Variants in PTPN9 observed in about 807,000 individuals in gnomAD.
PTPN9 encodes the protein tyrosine-protein phosphatase non-receptor type 9.
Under a neutral mutation model 69.8 loss-of-function variants are expected in PTPN9, and 26 were observed. That is an observed-to-expected ratio of 0.37 (90% CI 0.27 to 0.52). PTPN9 has a LOEUF of 0.52. Ranked by LOEUF, PTPN9 falls within the 20% of genes least tolerant of loss-of-function variation. PTPN9 has a pLI of 0.91. For synonymous variants in PTPN9, 274 were observed against 272.5 expected (o/e 1.01, Z -0.05); for missense variants, 549 against 740.3 (o/e 0.74, Z 3.00).
At chr15:75,527,333 G>A in intron 1 of PTPN9, 72 bp from the exon 2 acceptor site, 1 of 1,545,076 alleles carries the variant, frequency 6.5e-7, no homozygotes, top group Non-Finnish European at 8.8e-7. Flanking sequence ...ACAAACAAGT[G>A]AAAACTATCA....
chr15:75,523,137 C>T lies in PTPN9; in HGVS notation c.406G>A (p.Asp136Asn). The T allele has an allele frequency of 6.2e-7, 1 of 1,614,086 alleles. No individual in the cohort carries two copies. Residue 136 changes from aspartate to asparagine, a missense_variant, in exon 4 of 13, where the codon GAC (aspartate) becomes AAC (asparagine). By Grantham distance (23) the Asp-to-Asn change is conservative. Coordinates refer to ENST00000618819, the MANE Select transcript of PTPN9 (RefSeq NM_002833.4). ...AATGCTTACCTATCCACAGCTCTGTCTAGCAAGTAAAACAGAGCCTGAAGT... is the reference window on the plus strand; with the variant it reads ...AATGCTTACCTATCCACAGCTCTGTTTAGCAAGTAAAACAGAGCCTGAAGT... ...VVLQALFYLL[D>N]RAVDSFETQR...
chr15:75,513,298 T>G (rs767891285), intron 5 of PTPN9: 7 of 455,964 alleles, frequency 1.5e-5, no homozygotes, highest in Non-Finnish European at 2.6e-5. Flanking sequence ...CTGAAATAAA[T>G]TGTTGCATCT....
At chr15:75,549,428 C>T (rs1308412695) in intron 1 of PTPN9, among the ~76,000 whole-genome samples, 1 of 151,998 alleles carries the variant, frequency 6.6e-6, no homozygotes, top group Non-Finnish European at 1.5e-5. Context: ...CTCTTAACTC[C>T]TCAGTTCAAG....
At chr15:75,493,396 A>G (rs2074722161) in intron 7 of PTPN9, among the ~76,000 whole-genome samples, 1 of 152,144 alleles carries the variant, frequency 6.6e-6, no homozygotes, top group Non-Finnish European at 1.5e-5. Flanking sequence ...AGGAATTTTA[A>G]TAGACGAGAT....
chr15:75,464,462 G>C lies in PTPN9; in HGVS notation c.*4307C>G, dbSNP rs2074528984. 6.6e-6 allele frequency: 1 copy of C among 152,020 alleles called. No individual in the cohort carries two copies. The highest frequency in any genetic ancestry group is 2.1e-4 in the South Asian group (1 of 4,824). 9.4% of individuals were successfully genotyped at this position (152,020 alleles called of 1,614,324 possible). ...TGGGAGCCAACTCAACCCAAGTAAAGGCCTAATAGCTCCTCTATGGGTGTT... is the reference window on the plus strand; with the variant it reads ...TGGGAGCCAACTCAACCCAAGTAAACGCCTAATAGCTCCTCTATGGGTGTT... On this transcript the variant is annotated 3_prime_UTR_variant, in exon 13 of 13. Coordinates refer to ENST00000618819, the MANE Select transcript of PTPN9 (RefSeq NM_002833.4).
intron 1 of PTPN9, among the ~76,000 whole-genome samples, chr15:75,569,624 G>C (rs2075140079): frequency 1.4e-5 from 2 of 142,620 alleles, no homozygotes; most frequent in African/African-American, 2.6e-5. Flanking sequence ...AAAATCGCTT[G>C]AACCCAGGAG....
rs1236247673 is a variant in PTPN9 at position 75,466,743 on chromosome 15, C to G, written c.*2026G>C. 6.6e-6 allele frequency: 1 copy of G among 152,162 alleles called. No homozygotes were observed. The highest frequency in any genetic ancestry group is 1.5e-5 in the Non-Finnish European group (1 of 68,040). The allele number at this position is 152,162 out of a possible 1,614,324, so 9.4% of individuals were successfully genotyped here. On this transcript the variant is annotated 3_prime_UTR_variant, in exon 13 of 13. Transcript: ENST00000618819. ...GAGACCACAGGCTTTGTAAGCAGAC[C>G]AACTTGAGCTCGTTTTAGAGCAAAT...
rs1164644727 is a variant in PTPN9, at chr15:75,537,753, C to CAAAAAAAAAA, written c.64-10502_64-10493dup. ...AGGGCAACAGAGGGAGACTCCATCT[C>CAAAAAAAAAA]AAAAAAAAAAAAAAAAAAAAAAAGG... is the stretch of plus-strand genomic sequence containing the variant. On this transcript the variant is annotated intron_variant, in intron 1 of 12. Transcript: ENST00000618819. 4.6e-3 allele frequency among the ~76,000 whole-genome samples: 52 copies of CAAAAAAAAAA among 11,384 alleles called. 5 individuals are homozygous for CAAAAAAAAAA. The highest frequency in any genetic ancestry group is 6.1e-3 in the Non-Finnish European group (39 of 6,404). 7.5% of individuals were successfully genotyped at this position (11,384 alleles called of 152,430 possible).
At chr15:75,552,410 AAAAACAAAAC>A (rs994898872) in intron 1 of PTPN9, among the ~76,000 whole-genome samples, 3 of 152,178 alleles carry the variant, frequency 2.0e-5, no homozygotes, top group Non-Finnish European at 4.4e-5. Context: ...TCCGTCTCAA[AAAAACAAAAC>A]AAAACAAAAC....
intron 7 of PTPN9, among the ~76,000 whole-genome samples, chr15:75,500,496 C>A (rs1259232536): frequency 6.6e-6 from 1 of 151,992 alleles, no homozygotes; most frequent in African/African-American, 2.4e-5. Context: ...CGAAATCATA[C>A]CATTGCACTC....
intron 7 of PTPN9, among the ~76,000 whole-genome samples, chr15:75,496,242 C>A (rs569090647): frequency 1.7e-4 from 26 of 150,936 alleles, no homozygotes; most frequent in Non-Finnish European, 3.4e-4. Flanking sequence ...TTGAGACCAG[C>A]CTGGCCAACA....
intron 1 of PTPN9, among the ~76,000 whole-genome samples, chr15:75,563,818 G>A (rs988223245): frequency 1.3e-5 from 2 of 152,154 alleles, no homozygotes; most frequent in African/African-American, 4.8e-5. Context: ...CTCAAGGATA[G>A]AGAGCTCCAA....
intron 7 of PTPN9, among the ~76,000 whole-genome samples, chr15:75,499,727 G>T (rs2074763050): frequency 6.6e-6 from 1 of 151,926 alleles, no homozygotes; most frequent in African/African-American, 2.4e-5. Context: ...TAATGGAGGA[G>T]GGGAGACTCC....
intron 7 of PTPN9, among the ~76,000 whole-genome samples, chr15:75,490,888 G>A (rs1328122410): frequency 1.3e-5 from 2 of 151,906 alleles, no homozygotes; most frequent in Admixed American, 6.6e-5. Flanking sequence ...GCCTCCCAAA[G>A]TGTTGGGATT....
intron 8 of PTPN9, among the ~76,000 whole-genome samples, chr15:75,482,332 G>A (rs1161408787): frequency 6.6e-5 from 10 of 152,308 alleles, no homozygotes; most frequent in South Asian, 2.1e-4. Flanking sequence ...TTGGGAGGCC[G>A]AGGCGGGCGG....
intron 9 of PTPN9, among the ~76,000 whole-genome samples, chr15:75,479,195 TACTC>T (rs568194170): frequency 3.3e-4 from 50 of 152,294 alleles, no homozygotes; most frequent in East Asian, 1.9e-4. Flanking sequence ...TAGTCCCAGA[TACTC>T]AGGAGGCTGA....
intron 8 of PTPN9, among the ~76,000 whole-genome samples, chr15:75,486,110 A>C (rs985548578): frequency 4.0e-5 from 6 of 151,658 alleles, no homozygotes; most frequent in Non-Finnish European, 5.9e-5. Context: ...AAAAAAAAAA[A>C]AAAAAACAAA....
At chr15:75,504,050 G>A (rs1312184680) in intron 7 of PTPN9, among the ~76,000 whole-genome samples, 3 of 127,416 alleles carry the variant, frequency 2.4e-5, no homozygotes, top group Non-Finnish European at 5.1e-5. Context: ...CCCCCCGCCC[G>A]GCCAGCCGAC....
intron 2 of PTPN9, among the ~76,000 whole-genome samples, chr15:75,524,885 C>T (rs1370671213): frequency 2.7e-5 from 4 of 150,678 alleles, no homozygotes; most frequent in South Asian, 2.1e-4. Context: ...CAAGCATTTT[C>T]GGAATTCCTG....
Sources: gnomAD v4.1 joint callset for allele counts (sites outside exome capture counted in the v4.1 genomes callset) on GRCh38, gnomAD v4.1.1 for gene constraint, MANE v1.5 for transcripts, NCBI Gene and HGNC (gene_info 2026-07-23, HGNC 2026-07-21) for gene names.